The following FER1L5 variants were observed in gnomAD, a reference collection of about 807,000 sequenced individuals.
The protein encoded by FER1L5 is fer-1-like protein 5.
FER1L5 carries 187 observed loss-of-function variants against 279.9 expected under a neutral mutation model. The ratio of observed to expected loss-of-function variants is 0.67; its 90% CI spans 0.59 to 0.75. The LOEUF is 0.75. FER1L5 is among the 30% of genes least tolerant of loss of function. FER1L5 has a pLI of 0.00. For missense variants in FER1L5, 2,091 were observed against 2,594.4 expected, an observed-to-expected ratio of 0.81 and a Z score of 4.21; for synonymous variants, 921 against 989.7, an observed-to-expected ratio of 0.93 and a Z score of 1.30.
intron 13 of FER1L5, among the ~76,000 whole-genome samples, chr2:96,662,748 A>G (rs994693047): frequency 6.6e-6 from 1 of 152,212 alleles, no homozygotes; most frequent in Non-Finnish European, 1.5e-5. Flanking sequence ...ACCATATTCT[A>G]TTTGTTGCAA....
At position 96,695,499 on chromosome 2, in the gene FER1L5, G is replaced by T. The variant is rs1170982388; in HGVS notation, c.3742-10G>T. ...GCCCCTTGTCCTGCCCTCCTTCTTTGTTCTGGTAGATCCTGGCCTGGGGCC... is the reference window on the plus strand; with the variant it reads ...GCCCCTTGTCCTGCCCTCCTTCTTTTTTCTGGTAGATCCTGGCCTGGGGCC... On this transcript the variant is annotated splice_polypyrimidine_tract_variant and intron_variant, in intron 34 of 52. Transcript: ENST00000624922. The T allele has an allele frequency of 3.8e-6, 6 of 1,575,786 alleles. No individual in the cohort carries two copies. The highest frequency in any genetic ancestry group is 4.3e-6 in the Non-Finnish European group (5 of 1,163,220).
rs1035142303 is a variant in FER1L5 at position 96,696,146 on chromosome 2, G to T, written c.4083+69G>T. Reference sequence around the variant, plus strand: ...GGGTATAACCCTTGGGCCTAAGGAGGGGTGTCCATTAAACAGTCTGGATAC... The same window carrying T: ...GGGTATAACCCTTGGGCCTAAGGAGTGGTGTCCATTAAACAGTCTGGATAC... On this transcript the variant is annotated intron_variant, in intron 37 of 52. Coordinates refer to ENST00000624922, the MANE Select transcript of FER1L5 (RefSeq NM_001293083.2). 8.8e-6 allele frequency: 14 copies of T among 1,598,356 alleles called. No individual in the cohort carries two copies. The Admixed American group carries it at 2.4e-4, about 27-fold the overall frequency.
At chr2:96,685,881 ATGGTGACAC>A in intron 21 of FER1L5, 50 bp from the exon 22 acceptor site, 8 of 1,464,178 alleles carry the variant, frequency 5.5e-6, no homozygotes, top group Non-Finnish European at 6.3e-6. Context: ...CAGGGCAGGA[ATGGTGACAC>A]TGGGAGGCAG....
chr2:96,700,482 G>C lies in FER1L5; in HGVS notation c.5070+11G>C. 6.2e-7 allele frequency: 1 copy of C among 1,612,668 alleles called. No individual in the cohort carries two copies. The highest frequency in any genetic ancestry group is 8.5e-7 in the Non-Finnish European group (1 of 1,179,880). On this transcript the variant is annotated intron_variant, in intron 45 of 52. Transcript: ENST00000624922. ...CCAGGCATCGACCAGGTATGAGACT[G>C]GAGGGGCCACTCCTGGCTCCTACAG...
chr2:96,650,970 C>A (rs1379207994), intron 6 of FER1L5, among the ~76,000 whole-genome samples: 1 of 152,248 alleles, frequency 6.6e-6, no homozygotes, highest in Non-Finnish European at 1.5e-5. Flanking sequence ...CAGAAGGCTT[C>A]TCCTGAACCC....
chr2:96,691,752 G>T lies in FER1L5; in HGVS notation c.3076-73G>T. On this transcript the variant is annotated intron_variant, in intron 29 of 52. Coordinates refer to ENST00000624922, the MANE Select transcript of FER1L5 (RefSeq NM_001293083.2). This position sits in a 1 kb window ranked among gnomAD's most constrained non-coding sequence, Gnocchi z 6.0. Reference sequence around the variant, plus strand: ...GCGAGGGTGGCAGTGTGAGGGAGGAGGGTGACTGGGCCTGGGCTAGAGGAA... The same window carrying T: ...GCGAGGGTGGCAGTGTGAGGGAGGATGGTGACTGGGCCTGGGCTAGAGGAA... 1.3e-6 allele frequency: 2 copies of T among 1,551,462 alleles called. No individual in the cohort carries two copies. Among genetic ancestry groups the T allele is most frequent in the East Asian group, 2.4e-5 (1 of 40,912 alleles).
At chr2:96,678,659 C>T (rs1260596970) in intron 19 of FER1L5, among the ~76,000 whole-genome samples, 1 of 152,032 alleles carries the variant, frequency 6.6e-6, no homozygotes, top group East Asian at 1.9e-4. Context: ...TCTTGAACTC[C>T]TGGGCTCAAG....
At chr2:96,684,942 TGAAGATAAGACCATA>T (rs2076865768) in intron 20 of FER1L5, among the ~76,000 whole-genome samples, 2 of 152,008 alleles carry the variant, frequency 1.3e-5, no homozygotes, top group African/African-American at 4.8e-5. Flanking sequence ...GGAGGTGACA[TGAAGATAAGACCATA>T]GAAGCTGGAA....
At chr2:96,661,818 G>T (rs2075964618) in intron 12 of FER1L5, 27 bp downstream of exon 12, 1 of 1,550,806 alleles carries the variant, frequency 6.4e-7, no homozygotes, top group Admixed American at 2.0e-5. Flanking sequence ...AGGGGAGGGA[G>T]CAGCCCTGAG....
At chr2:96,674,597 G>A (rs1207393631) in intron 19 of FER1L5, among the ~76,000 whole-genome samples, 2 of 152,084 alleles carry the variant, frequency 1.3e-5, no homozygotes, top group South Asian at 2.1e-4. Flanking sequence ...GTGGTTCTTT[G>A]TCAATGGCTT....
At chr2:96,678,485 G>C (rs1475420713) in intron 19 of FER1L5, among the ~76,000 whole-genome samples, 2 of 151,916 alleles carry the variant, frequency 1.3e-5, no homozygotes, top group Non-Finnish European at 2.9e-5. Context: ...CCAAGCTGGA[G>C]TGCAGTGGTG....
intron 44 of FER1L5, 72 bp downstream of exon 44, chr2:96,700,152 G>C: frequency 6.3e-7 from 1 of 1,592,944 alleles, no homozygotes; most frequent in Non-Finnish European, 8.5e-7. Context: ...CAGAATGGAA[G>C]AGCTGCAGAC....
intron 23 of FER1L5, among the ~76,000 whole-genome samples, 200 bp downstream of exon 23, chr2:96,686,550 T>C (rs1381810972): frequency 6.6e-6 from 1 of 152,094 alleles, no homozygotes; most frequent in Non-Finnish European, 1.5e-5. Context: ...ATGTACCTCC[T>C]AAATGTTCCC....
Position 96,694,152 on chromosome 2 carries a change from C to T in FER1L5, c.3636+80C>T, listed in dbSNP as rs1270662976. On this transcript the variant is annotated intron_variant, in intron 33 of 52. Transcript: ENST00000624922. This position sits in a 1 kb window ranked among gnomAD's most constrained non-coding sequence, Gnocchi z 4.6. ...CCCACCCCCAGCCAGCGGGGGCCAA[C>T]TCCACCCTGTCAGGAAATGCCTGGG... 2.0e-6 allele frequency: 3 copies of T among 1,467,352 alleles called. No homozygotes were observed. In the African/African-American group the frequency reaches 4.2e-5, roughly 21 times the overall value. 90.9% of individuals were successfully genotyped at this position (1,467,352 alleles called of 1,614,324 possible). A position where few individuals can be genotyped will look rare whatever the true frequency, so the allele number is the denominator to read the frequency against.
chr2:96,670,235 G>A lies in FER1L5; in HGVS notation c.1479G>A (p.Val493=). The change falls in exon 18 of 53, where the codon GTG becomes GTA. Residue 493 remains valine, a synonymous_variant. Coordinates refer to ENST00000624922, the MANE Select transcript of FER1L5 (RefSeq NM_001293083.2). ...CGATAAAGGATCTCTCCCATGAAGTGACCAGGATAGAGGTAACTGCGGGAA... is the reference window on the plus strand; with the variant it reads ...CGATAAAGGATCTCTCCCATGAAGTAACCAGGATAGAGGTAACTGCGGGAA... ...DSTIKDLSHE[V]TRIEKHQNRQ... 6.4e-7 allele frequency: 1 copy of A among 1,551,428 alleles called. No homozygotes were observed. The highest frequency in any genetic ancestry group is 1.2e-5 in the South Asian group (1 of 84,018).
chr2:96,659,290 T>TGCCTGCCTTCCTTCCTTCCTTCC, intron 9 of FER1L5, among the ~76,000 whole-genome samples: 2 of 81,030 alleles, frequency 2.5e-5, no homozygotes, highest in East Asian at 6.4e-4. Context: ...TTTATCAAGC[T>TGCCTGCCTTCCTTCCTTCCTTCC]TTCCTTCCTT....
chr2:96,685,235 G>A, intron 20 of FER1L5, 94 bp from the exon 21 acceptor site: 2 of 1,108,408 alleles, frequency 1.8e-6, no homozygotes, highest in Non-Finnish European at 2.6e-6. Flanking sequence ...CAAGGTCGTG[G>A]CTGAAAACAT....
At chr2:96,660,460 C>T in intron 10 of FER1L5, 89 bp downstream of exon 10, 13 of 1,162,088 alleles carry the variant, frequency 1.1e-5, no homozygotes, top group African/African-American at 3.1e-5. Flanking sequence ...ATGTCCAACA[C>T]ATGGGTGGAG....
rs2076922174 is a variant in FER1L5 at position 96,686,286 on chromosome 2, T to A, written c.2165T>A (p.Phe722Tyr). ...CAGGTGCCTGCCCACTCCGTCCTCT[T>A]CTCCCCGGCAGGGGCTCTGCACTCC... is the stretch of plus-strand genomic sequence containing the variant. ...YAQVPAHSVLFSPAGALHSGR... is the reference protein window; with the variant it reads ...YAQVPAHSVLYSPAGALHSGR... The change falls in exon 23 of 53, where the codon TTC becomes TAC. Residue 722 changes from phenylalanine to tyrosine, a missense_variant. Physicochemically the swap from Phe to Tyr is conservative, Grantham distance 22. Transcript: ENST00000624922. 6.4e-7 allele frequency: 1 copy of A among 1,551,440 alleles called. No homozygotes were observed. The highest frequency in any genetic ancestry group is 1.2e-5 in the South Asian group (1 of 84,068).
Sources: gnomAD v4.1 joint callset for allele counts (sites outside exome capture counted in the v4.1 genomes callset) on GRCh38, gnomAD v4.1.1 for gene constraint, Gnocchi (gnomAD v3.1) non-coding constraint, MANE v1.5 for transcripts, NCBI Gene and HGNC (gene_info 2026-07-23, HGNC 2026-07-21) for gene names.